The following DFFA variants were observed in gnomAD, a reference collection of about 807,000 sequenced individuals.
DFFA encodes DFF45.
A neutral mutation model predicts 28.0 loss-of-function variants in DFFA; 14 were observed. That is an observed-to-expected ratio of 0.50 (90% CI 0.33 to 0.78). The LOEUF (loss-of-function observed/expected upper bound fraction) is 0.78, where lower values mean the gene tolerates loss of function less well. Ranked by LOEUF, DFFA falls within the 30% of genes least tolerant of loss-of-function variation. The pLI, the probability that DFFA is intolerant of heterozygous loss-of-function variation, is 0.02. For missense variants in DFFA, 395 were observed against 407.1 expected (o/e 0.97, Z 0.26); for synonymous variants, 158 against 170.3 (o/e 0.93, Z 0.56).
In DFFA at chr1:10,456,985, T is replaced by G. The variant is rs995527932; in HGVS notation, c.*4505A>C. On this transcript the variant is annotated 3_prime_UTR_variant, in exon 6 of 6. Transcript: ENST00000377038. ...ACAATATGTCTGTGACCACGTTCATTACACATCTGGGATAGAGCTCTGACT... is the reference window on the plus strand; with the variant it reads ...ACAATATGTCTGTGACCACGTTCATGACACATCTGGGATAGAGCTCTGACT... 2.0e-5 allele frequency: 3 copies of G among 152,308 alleles called. No individual in the cohort carries two copies. Among genetic ancestry groups the G allele is most frequent in the Non-Finnish European group, 4.4e-5 (3 of 68,014 alleles). The allele number at this position is 152,308 out of a possible 1,614,324, so 9.4% of individuals were successfully genotyped here.
At chr1:10,462,693 C>T in intron 5 of DFFA, 1 of 1,050,600 alleles carries the variant, frequency 9.5e-7, no homozygotes, top group Non-Finnish European at 1.2e-6. Flanking sequence ...TCAAGTTTGC[C>T]TTTTCCTGTG....
At chr1:10,462,429 G>A (rs1478925836) in intron 5 of DFFA, 13 of 987,530 alleles carry the variant, frequency 1.3e-5, no homozygotes, top group East Asian at 1.1e-4. Flanking sequence ...CACTGTGCCC[G>A]GACAAGCATG....
intron 3 of DFFA, among the ~76,000 whole-genome samples, chr1:10,464,868 A>T (rs1399313706): frequency 4.6e-5 from 7 of 152,170 alleles, no homozygotes; most frequent in African/African-American, 7.2e-5. Context: ...ATCAGAATAC[A>T]AGTACCGTTA....
At position 10,472,185 on chromosome 1, in the gene DFFA, TC is replaced by T. The variant is rs965116738; in HGVS notation, c.136+137del. On this transcript the variant is annotated intron_variant, in intron 1 of 5. Transcript: ENST00000377038. The surrounding 1 kb of genome is among the most constrained non-coding windows in gnomAD (Gnocchi z 5.0). Reference sequence around the variant, plus strand: ...TAAATCTGTAAATCGCTATGCCCACTCGGACCGTTTCTGTCCCAAGCCTCCA... The same window carrying T: ...TAAATCTGTAAATCGCTATGCCCACTGGACCGTTTCTGTCCCAAGCCTCCA... The T allele has an allele frequency of 1.1e-4, 119 of 1,093,776 alleles. No individual in the cohort carries two copies. Among genetic ancestry groups the T allele is most frequent in the Non-Finnish European group, 1.4e-4 (109 of 794,646 alleles). 67.8% of individuals were successfully genotyped at this position (1,093,776 alleles called of 1,614,324 possible).
intron 1 of DFFA, among the ~76,000 whole-genome samples, chr1:10,469,839 CTTT>C (rs35502618): frequency 2.4e-4 from 34 of 139,390 alleles, no homozygotes; most frequent in Non-Finnish European, 2.0e-4. Flanking sequence ...TTCTTTCTTT[CTTT>C]TTTTTTTTTT....
rs1641062971 is a variant in DFFA, at chr1:10,469,303, G to A, written c.172C>T (p.Pro58Ser). Residue 58 changes from proline (P) to serine (S), a missense_variant, in exon 2 of 6, where the codon CCA (proline) becomes TCA (serine). Physicochemically the swap from Pro to Ser is moderately conservative, Grantham distance 74. Transcript: ENST00000377038. ...TCCTCTGCCAGGACCAGGGTGACTG[G>A]TGTCAGGGACTTATCAATGGCCAGA... is the stretch of plus-strand genomic sequence containing the variant. ...DILAIDKSLT[P>S]VTLVLAEDGT... 3 of 1,614,132 alleles carry A rather than the reference G, an allele frequency of 1.9e-6. No individual in the cohort carries two copies. The highest frequency in any genetic ancestry group is 2.5e-6 in the Non-Finnish European group (3 of 1,180,010).
rs1032681782 is a variant in DFFA, at chr1:10,461,427, G to A, written c.*63C>T. The stretch of plus-strand genomic sequence containing the variant: ...TAGTACATAGGTAGTCAAATGATGA[G>A]GCTGAGGGTGTCTACCAATAACACA... On this transcript the variant is annotated 3_prime_UTR_variant, in exon 6 of 6. Transcript: ENST00000377038. 1.3e-6 allele frequency: 2 copies of A among 1,550,664 alleles called. No individual in the cohort carries two copies. The highest frequency in any genetic ancestry group is 1.4e-5 in the African/African-American group (1 of 73,840).
intron 5 of DFFA, chr1:10,462,790 TCCTC>T: frequency 7.6e-7 from 1 of 1,313,550 alleles, no homozygotes; most frequent in Non-Finnish European, 9.7e-7. Context: ...GCCCTGCTAT[TCCTC>T]CCTGTCAGGA....
intron 3 of DFFA, among the ~76,000 whole-genome samples, chr1:10,465,025 G>A (rs557400059): frequency 6.6e-6 from 1 of 152,320 alleles, no homozygotes; most frequent in South Asian, 2.1e-4. Context: ...GCCAGGGTGG[G>A]AGGACTGCCT....
chr1:10,462,820 C>T (rs775333065), intron 5 of DFFA: 22 of 1,369,192 alleles, frequency 1.6e-5, no homozygotes, highest in Non-Finnish European at 1.9e-5. Context: ...CATTTCATTA[C>T]CAACCTTGGA....
rs1570097655 is a variant in DFFA at position 10,459,467 on chromosome 1, G to C, written c.*2023C>G. 2 of 152,108 alleles carry C rather than the reference G, an allele frequency of 1.3e-5. No homozygotes were observed. The highest frequency in any genetic ancestry group is 4.8e-5 in the African/African-American group (2 of 41,418). 9.4% of individuals were successfully genotyped at this position (152,108 alleles called of 1,614,324 possible). On this transcript the variant is annotated 3_prime_UTR_variant, in exon 6 of 6. Transcript: ENST00000377038. ...TGAAGAGTTTCACGGTGGTGAGATA[G>C]AATTTCACAATACTGAGTGAGATAT...
Position 10,469,238 on chromosome 1 carries a change from T to G in DFFA, c.237A>C (p.Leu79=), listed in dbSNP as rs1407270291. 1.2e-6 allele frequency: 2 copies of G among 1,614,196 alleles called. No homozygotes were observed. The highest frequency in any genetic ancestry group is 4.5e-5 in the East Asian group (2 of 44,884). ...IVDDDDYFLC[L]PSNTKFVALA... ...ATGCCACAAACTTAGTATTGGAAGG[T>G]AGACACAGAAAGTAATCGTCATCAT... is the stretch of plus-strand genomic sequence containing the variant. Residue 79 remains leucine, a synonymous_variant, in exon 2 of 6, where the codon CTA becomes CTC. Transcript: ENST00000377038.
intron 2 of DFFA, 74 bp from the exon 3 acceptor site, chr1:10,467,406 A>G: frequency 6.7e-7 from 1 of 1,498,462 alleles, no homozygotes. Flanking sequence ...CAGCACACAC[A>G]GACCTCTTGA....
chr1:10,469,071 C>G (rs1641058522), intron 2 of DFFA, 106 bp downstream of exon 2: 13 of 1,225,514 alleles, frequency 1.1e-5, no homozygotes, highest in Non-Finnish European at 1.5e-5. Flanking sequence ...ATCTGTTGAA[C>G]AAATGCTTAA....
At chr1:10,469,552 ACT>A in intron 1 of DFFA, among the ~76,000 whole-genome samples, 1 of 151,560 alleles carries the variant, frequency 6.6e-6, no homozygotes, top group Non-Finnish European at 1.5e-5. Flanking sequence ...GCAGGGTCTC[ACT>A]CTGTTACCCA....
At chr1:10,464,618 G>T (rs1640997801) in intron 3 of DFFA, among the ~76,000 whole-genome samples, 1 of 152,172 alleles carries the variant, frequency 6.6e-6, no homozygotes, top group Non-Finnish European at 1.5e-5. Flanking sequence ...GGAAGGCTGA[G>T]GTGGGAGGAT....
chr1:10,472,205 G>A lies in DFFA; in HGVS notation c.136+118C>T. 2 of 1,291,898 alleles carry A rather than the reference G, an allele frequency of 1.5e-6. No homozygotes were observed. The highest frequency in any genetic ancestry group is 2.1e-6 in the Non-Finnish European group (2 of 959,974). The allele number at this position is 1,291,898 out of a possible 1,614,324, so 80.0% of individuals were successfully genotyped here. ...CCCACTCGGACCGTTTCTGTCCCAA[G>A]CCTCCACCCGAGATACAAGAATCCC... On this transcript the variant is annotated intron_variant, in intron 1 of 5. Transcript: ENST00000377038. This position sits in a 1 kb window ranked among gnomAD's most constrained non-coding sequence, Gnocchi z 5.0.
At chr1:10,462,987 C>A (rs202059186) in intron 5 of DFFA, 71 bp downstream of exon 5, 4 of 1,598,798 alleles carry the variant, frequency 2.5e-6, no homozygotes, top group Non-Finnish European at 3.4e-6. Flanking sequence ...GGCCCACACA[C>A]CTCTGCATGA....
In DFFA at chr1:10,472,266, G is replaced by A; in HGVS notation, c.136+57C>T. 2.0e-6 allele frequency: 3 copies of A among 1,472,486 alleles called. No individual in the cohort carries two copies. Among genetic ancestry groups the A allele is most frequent in the Non-Finnish European group, 2.7e-6 (3 of 1,102,682 alleles). 91.2% of individuals were successfully genotyped at this position (1,472,486 alleles called of 1,614,324 possible). A position where few individuals can be genotyped will look rare whatever the true frequency, so the allele number is the denominator to read the frequency against. On this transcript the variant is annotated intron_variant, in intron 1 of 5. Coordinates refer to ENST00000377038, the MANE Select transcript of DFFA (RefSeq NM_004401.3). This position sits in a 1 kb window ranked among gnomAD's most constrained non-coding sequence, Gnocchi z 5.0. ...CTCCTGACCCCGCCTCGCCCCCGCC[G>A]GACGTCCTCACCCGGCCCTGGCTCC...
Sources: allele counts gnomAD v4.1 joint callset (sites outside exome capture counted in the v4.1 genomes callset), GRCh38; gene constraint gnomAD v4.1.1; non-coding constraint Gnocchi (gnomAD v3.1); transcripts MANE v1.5; gene names NCBI Gene and HGNC (gene_info 2026-07-23, HGNC 2026-07-21).